CAMTA1: variants seen among roughly 807,000 people sequenced by gnomAD.
CAMTA1 encodes the protein calmodulin-binding transcription activator 1.
Under a neutral mutation model 170.9 loss-of-function variants are expected in CAMTA1, and 27 were observed. That is an observed-to-expected ratio of 0.16 (90% CI 0.12 to 0.22). The LOEUF (loss-of-function observed/expected upper bound fraction) is 0.22, where lower values mean the gene tolerates loss of function less well. Among genes scored for constraint, CAMTA1 ranks in the 10% least tolerant of loss-of-function variants. CAMTA1 has a pLI of 1.00. For synonymous variants in CAMTA1, 833 were observed against 891.5 expected, an observed-to-expected ratio of 0.93 and a Z score of 1.17; for missense variants, 1,619 against 2,217.2, an observed-to-expected ratio of 0.73 and a Z score of 5.42.
At chr1:7,096,889 T>C (rs561273424) in intron 4 of CAMTA1, among the ~76,000 whole-genome samples, 11 of 152,190 alleles carry the variant, frequency 7.2e-5, no homozygotes, top group Non-Finnish European at 1.3e-4. Context: ...TCTCCAGTGA[T>C]GTCGTTAAGG....
At chr1:6,972,224 T>A (rs1309617062) in intron 3 of CAMTA1, among the ~76,000 whole-genome samples, 3 of 152,106 alleles carry the variant, frequency 2.0e-5, no homozygotes, top group African/African-American at 7.2e-5. Flanking sequence ...CTTTATGACA[T>A]CTAAGATTGT....
intron 3 of CAMTA1, among the ~76,000 whole-genome samples, chr1:6,955,209 C>T (rs1689241048): frequency 6.6e-6 from 1 of 151,980 alleles, no homozygotes; most frequent in South Asian, 2.1e-4. Flanking sequence ...CCAAGAGGCC[C>T]ACAGGACCTC....
intron 4 of CAMTA1, among the ~76,000 whole-genome samples, chr1:7,103,652 AAC>A (rs1293804636): frequency 6.6e-6 from 1 of 150,510 alleles, no homozygotes; most frequent in Non-Finnish European, 1.5e-5. Context: ...CACACAACAC[AAC>A]ACATGTACAC....
intron 6 of CAMTA1, among the ~76,000 whole-genome samples, chr1:7,623,580 C>T (rs2095613315): frequency 6.6e-6 from 1 of 152,230 alleles, no homozygotes; most frequent in Non-Finnish European, 1.5e-5. Context: ...TTGACTGCAA[C>T]CTCTGCCTCC....
At chr1:7,104,511 A>C (rs994883551) in intron 4 of CAMTA1, among the ~76,000 whole-genome samples, 1 of 152,206 alleles carries the variant, frequency 6.6e-6, no homozygotes, top group African/African-American at 2.4e-5. Context: ...CTGAGTGTGG[A>C]GAGCCAGAGG....
intron 5 of CAMTA1, among the ~76,000 whole-genome samples, chr1:7,395,966 GGA>G (rs1461848686): frequency 6.6e-6 from 1 of 151,902 alleles, no homozygotes; most frequent in Non-Finnish European, 1.5e-5. Context: ...CTTTTTTGGT[GGA>G]GTCTTTAGGG....
At chr1:7,653,789 T>C (rs1211903294) in intron 7 of CAMTA1, among the ~76,000 whole-genome samples, 1 of 152,128 alleles carries the variant, frequency 6.6e-6, no homozygotes, top group Non-Finnish European at 1.5e-5. Context: ...GCATCTACTA[T>C]GTGCCAGGCA....
intron 5 of CAMTA1, among the ~76,000 whole-genome samples, chr1:7,378,918 A>G (rs1451260614): frequency 3.3e-5 from 5 of 152,026 alleles, no homozygotes; most frequent in Admixed American, 6.6e-5. Flanking sequence ...TCCTTAGCTC[A>G]TATCTTGCAC....
chr1:7,454,891 C>T (rs2092914603), intron 5 of CAMTA1, among the ~76,000 whole-genome samples: 2 of 152,174 alleles, frequency 1.3e-5, no homozygotes, highest in Non-Finnish European at 2.9e-5. Flanking sequence ...CTTCTTTCTG[C>T]TAAACTGCAG....
In CAMTA1 at chr1:7,528,004, A is replaced by G. The variant is rs367744294; in HGVS notation, c.510+60103A>G. ...GAAAGGGACTCTGAAGCCACTAGAG[A>G]CGGAGCCCTGGGGTTAGGAAGCCCG... On this transcript the variant is annotated intron_variant, in intron 6 of 22. Transcript: ENST00000303635. 1.6e-4 allele frequency among the ~76,000 whole-genome samples: 24 copies of G among 152,256 alleles called. No individual in the cohort carries two copies. In the East Asian group the frequency reaches 4.4e-3, roughly 28 times the overall value.
chr1:7,596,300 C>T (rs2095399232), intron 6 of CAMTA1, among the ~76,000 whole-genome samples: 1 of 152,336 alleles, frequency 6.6e-6, no homozygotes, highest in Admixed American at 6.5e-5. Context: ...GTGACCCAGG[C>T]CTGGATAGAA....
chr1:7,313,081 C>G (rs550651806), intron 5 of CAMTA1, among the ~76,000 whole-genome samples: 7 of 152,160 alleles, frequency 4.6e-5, no homozygotes, highest in Non-Finnish European at 1.0e-4. Flanking sequence ...CTCCCACCCC[C>G]CAGAACTACT....
chr1:7,021,704 G>T (rs1701382042), intron 3 of CAMTA1, among the ~76,000 whole-genome samples: 1 of 152,196 alleles, frequency 6.6e-6, no homozygotes, highest in Non-Finnish European at 1.5e-5. Context: ...GCAGTTCCTT[G>T]TGTGTCAGCT....
At chr1:6,822,858 G>A (rs992103940) in intron 2 of CAMTA1, among the ~76,000 whole-genome samples, 6 of 150,854 alleles carry the variant, frequency 4.0e-5, no homozygotes, top group East Asian at 1.9e-4. Context: ...TTTATATACC[G>A]CACAGTAGCT....
chr1:6,968,295 G>A (rs1691917219), intron 3 of CAMTA1, among the ~76,000 whole-genome samples: 1 of 152,156 alleles, frequency 6.6e-6, no homozygotes, highest in Non-Finnish European at 1.5e-5. Context: ...CGCTCTTTCT[G>A]TGCTGGGACA....
At chr1:7,759,918 T>G (rs551669001) in intron 22 of CAMTA1, among the ~76,000 whole-genome samples, 3 of 152,360 alleles carry the variant, frequency 2.0e-5, no homozygotes, top group South Asian at 2.1e-4. Flanking sequence ...AGTGTTCTCA[T>G]AGATGAGTGA....
At chr1:6,798,253 G>T (rs1643024130) in intron 1 of CAMTA1, among the ~76,000 whole-genome samples, 1 of 152,070 alleles carries the variant, frequency 6.6e-6, no homozygotes, top group Admixed American at 6.5e-5. Context: ...CTCCCAAAGT[G>T]CTGGGATTAC....
At chr1:7,122,098 G>A (rs1644678051) in intron 4 of CAMTA1, among the ~76,000 whole-genome samples, 1 of 152,034 alleles carries the variant, frequency 6.6e-6, no homozygotes, top group Admixed American at 6.6e-5. Flanking sequence ...TCTGGGCTCT[G>A]TGAGTGTCCG....
intron 4 of CAMTA1, among the ~76,000 whole-genome samples, chr1:7,137,250 T>C (rs1207173612): frequency 6.6e-6 from 1 of 152,216 alleles, no homozygotes; most frequent in Non-Finnish European, 1.5e-5. Context: ...TTCACTGCTT[T>C]CACTAGAGTC....
Sources: gnomAD v4.1 joint callset for allele counts (sites outside exome capture counted in the v4.1 genomes callset) on GRCh38, gnomAD v4.1.1 for gene constraint, MANE v1.5 for transcripts, NCBI Gene and HGNC (gene_info 2026-07-23, HGNC 2026-07-21) for gene names.